The following EPHB1 variants were observed in gnomAD, a reference collection of about 807,000 sequenced individuals.
The protein encoded by EPHB1 is EPH receptor B1.
EPHB1 carries 30 observed loss-of-function variants against 94.4 expected under a neutral mutation model. The ratio of observed to expected loss-of-function variants is 0.32; its 90% confidence interval spans 0.24 to 0.43. The LOEUF is 0.43. Ranked by LOEUF, EPHB1 falls within the 20% of genes least tolerant of loss-of-function variation. The probability of loss-of-function intolerance (pLI) is 1.00; values close to 1 mark genes in which losing one functional copy is unlikely to be tolerated. For synonymous variants in EPHB1, 522 were observed against 489.1 expected, an observed-to-expected ratio of 1.07 and a Z score of -0.89; for missense variants, 1,055 against 1,308.3, an observed-to-expected ratio of 0.81 and a Z score of 2.99.
intron 1 of EPHB1, among the ~76,000 whole-genome samples, chr3:134,872,703 T>C (rs909436940): frequency 6.6e-6 from 1 of 152,198 alleles, no homozygotes; most frequent in Non-Finnish European, 1.5e-5. Flanking sequence ...TTCAATGTCT[T>C]TCCATAAATT....
At chr3:135,231,486 G>C (rs1943529678) in intron 12 of EPHB1, among the ~76,000 whole-genome samples, 1 of 152,082 alleles carries the variant, frequency 6.6e-6, no homozygotes, top group Non-Finnish European at 1.5e-5. Context: ...TTTTGTAGCT[G>C]CTGGAAAATT....
At chr3:135,194,330 CT>C (rs1942538600) in intron 11 of EPHB1, among the ~76,000 whole-genome samples, 1 of 152,120 alleles carries the variant, frequency 6.6e-6, no homozygotes, top group Admixed American at 6.5e-5. Context: ...CTATCTTATA[CT>C]TTTTTTCCCC....
chr3:135,101,057 T>C (rs1939018425), intron 3 of EPHB1, among the ~76,000 whole-genome samples: 1 of 152,164 alleles, frequency 6.6e-6, no homozygotes, highest in Admixed American at 6.5e-5. Context: ...CCCCTTTCTC[T>C]TAAGGAAACA....
intron 12 of EPHB1, among the ~76,000 whole-genome samples, chr3:135,210,014 T>C (rs566305695): frequency 1.3e-5 from 2 of 152,300 alleles, no homozygotes; most frequent in East Asian, 3.9e-4. Context: ...CCTGTGCCTC[T>C]GGATGGGTGA....
intron 9 of EPHB1, among the ~76,000 whole-genome samples, chr3:135,175,502 C>G (rs547094670): frequency 6.6e-6 from 1 of 152,264 alleles, no homozygotes; most frequent in African/African-American, 2.4e-5. Context: ...ACACACATGA[C>G]TGCAAAGTAG....
At chr3:135,018,920 T>G (rs1395547047) in intron 3 of EPHB1, among the ~76,000 whole-genome samples, 3 of 152,168 alleles carry the variant, frequency 2.0e-5, no homozygotes, top group African/African-American at 4.8e-5. Context: ...CCTCGCCAGC[T>G]GATAGGGACT....
intron 3 of EPHB1, among the ~76,000 whole-genome samples, chr3:134,954,188 C>T (rs1933147743): frequency 6.6e-6 from 1 of 152,200 alleles, no homozygotes; most frequent in South Asian, 2.1e-4. Context: ...GGCCCCTTGC[C>T]CTTGTCTCAA....
chr3:134,992,023 G>A (rs73214188), intron 3 of EPHB1, among the ~76,000 whole-genome samples: 1,684 of 152,198 alleles, frequency 0.011, 24 homozygotes, highest in Non-Finnish European at 0.017. Flanking sequence ...CTCTACCTGC[G>A]ACTCCCTCAG....
chr3:134,933,302 A>T (rs372774313), intron 2 of EPHB1, among the ~76,000 whole-genome samples: 1 of 152,052 alleles, frequency 6.6e-6, no homozygotes, highest in African/African-American at 2.4e-5. Flanking sequence ...CCTGGAGAAG[A>T]TCAGACATCT....
intron 3 of EPHB1, among the ~76,000 whole-genome samples, chr3:135,005,792 A>G (rs1935383533): frequency 6.6e-6 from 1 of 152,228 alleles, no homozygotes; most frequent in Admixed American, 6.5e-5. Context: ...TTCCCGAGTG[A>G]GGCAATGCCT....
chr3:134,827,912 T>A (rs541488961), intron 1 of EPHB1, among the ~76,000 whole-genome samples: 5 of 152,336 alleles, frequency 3.3e-5, no homozygotes, highest in African/African-American at 1.2e-4. Flanking sequence ...CTCATTGTCT[T>A]GCTGGGCTGC....
At chr3:134,818,958 G>A (rs942022152) in intron 1 of EPHB1, among the ~76,000 whole-genome samples, 1 of 152,204 alleles carries the variant, frequency 6.6e-6, no homozygotes, top group Non-Finnish European at 1.5e-5. Context: ...AAGATGAACA[G>A]AGGCTGAGGG....
At chr3:134,912,539 T>C (rs2038475722) in intron 1 of EPHB1, among the ~76,000 whole-genome samples, 2 of 152,236 alleles carry the variant, frequency 1.3e-5, no homozygotes, top group Admixed American at 6.5e-5. Context: ...TCTGCCTCTC[T>C]CTCTCTCTTT....
intron 3 of EPHB1, among the ~76,000 whole-genome samples, chr3:134,963,384 G>A (rs1933605119): frequency 6.6e-6 from 1 of 152,180 alleles, no homozygotes; most frequent in Admixed American, 6.5e-5. Flanking sequence ...GGCTAGGAGA[G>A]CAGCTTATGC....
At chr3:135,128,383 G>T (rs953254347) in intron 4 of EPHB1, among the ~76,000 whole-genome samples, 19 of 152,224 alleles carry the variant, frequency 1.2e-4, no homozygotes, top group Admixed American at 8.5e-4. Context: ...CTCCAGGGAG[G>T]TTTATGCAGA....
intron 4 of EPHB1, among the ~76,000 whole-genome samples, chr3:135,113,500 G>T (rs536259058): frequency 6.6e-6 from 1 of 152,256 alleles, no homozygotes; most frequent in African/African-American, 2.4e-5. Flanking sequence ...CCCAATGTTA[G>T]CCTTCTCCCT....
chr3:134,893,051 TCTC>T (rs139014296), intron 1 of EPHB1, among the ~76,000 whole-genome samples: 1,798 of 151,926 alleles, frequency 0.012, 35 homozygotes, highest in African/African-American at 0.041. Context: ...TAATGAAAAA[TCTC>T]CTCATCCATC....
chr3:135,259,114 G>A lies in EPHB1; in HGVS notation c.2949G>A (p.Met983Ile), dbSNP rs747983064. 5.0e-6 allele frequency: 8 copies of A among 1,606,324 alleles called. No individual in the cohort carries two copies. In the East Asian group the frequency reaches 1.3e-4, roughly 27 times the overall value. ...AGATAAGTCAGTCACCAACGGCAAT[G>A]GCATGAGAACTCTTGTTTCTTGGGG... The part of the protein sequence containing the change: ...RVQISQSPTA[M>I]A The change falls in exon 16 of 16, where the codon ATG (methionine) becomes ATA (isoleucine). Residue 983 changes from methionine to isoleucine, a missense_variant. By Grantham distance (10) the Met-to-Ile change is conservative. Transcript: ENST00000398015.
chr3:135,219,499 C>G (rs1396468151), intron 12 of EPHB1, among the ~76,000 whole-genome samples: 1 of 151,962 alleles, frequency 6.6e-6, no homozygotes, highest in Admixed American at 6.6e-5. Flanking sequence ...GGTTTGCTGG[C>G]AAACACCAGA....
Sources: allele counts gnomAD v4.1 joint callset (sites outside exome capture counted in the v4.1 genomes callset), GRCh38; gene constraint gnomAD v4.1.1; transcripts MANE v1.5; gene names NCBI Gene and HGNC (gene_info 2026-07-23, HGNC 2026-07-21).